The following SLIT3 variants were observed in gnomAD, a reference collection of about 807,000 sequenced individuals.
The protein encoded by SLIT3 is slit guidance ligand 3.
Under a neutral mutation model 184.0 loss-of-function variants are expected in SLIT3, and 68 were observed. The ratio of observed to expected loss-of-function variants is 0.37; its 90% confidence interval spans 0.30 to 0.45. The LOEUF is 0.45. Among genes scored for constraint, SLIT3 ranks in the 20% least tolerant of loss-of-function variants. The pLI is 1.00. For synonymous variants in SLIT3, 831 were observed against 828.6 expected (o/e 1.00, Z -0.05); for missense variants, 1,707 against 2,026.0 (o/e 0.84, Z 3.02).
intron 6 of SLIT3, among the ~76,000 whole-genome samples, chr5:168,833,168 G>T (rs915438245): frequency 6.6e-6 from 1 of 152,176 alleles, no homozygotes; most frequent in African/African-American, 2.4e-5. Flanking sequence ...CTCTTGTCTG[G>T]TTTTTGCATG....
chr5:168,972,907 C>A (rs1754628991), intron 4 of SLIT3, among the ~76,000 whole-genome samples: 1 of 152,196 alleles, frequency 6.6e-6, no homozygotes, highest in East Asian at 1.9e-4. Context: ...CCAGGCCGTG[C>A]CACAGATATC....
chr5:168,868,266 T>C (rs1759378804), intron 5 of SLIT3, among the ~76,000 whole-genome samples: 1 of 152,194 alleles, frequency 6.6e-6, no homozygotes, highest in Non-Finnish European at 1.5e-5. Flanking sequence ...CTCTACTGAA[T>C]AAGTCCTTTC....
intron 3 of SLIT3, among the ~76,000 whole-genome samples, chr5:169,225,304 G>T (rs2113539460): frequency 6.6e-6 from 1 of 152,334 alleles, no homozygotes; most frequent in East Asian, 1.9e-4. Context: ...GAAAAGAGCA[G>T]GCTGAAGAAT....
chr5:168,882,183 C>T (rs1759978545), intron 5 of SLIT3, among the ~76,000 whole-genome samples: 1 of 152,036 alleles, frequency 6.6e-6, no homozygotes, highest in Non-Finnish European at 1.5e-5. Context: ...TTTTTTTAAG[C>T]CTCCCTTAAG....
chr5:168,754,092 T>G, intron 16 of SLIT3, 85 bp from the exon 17 acceptor site: 1 of 1,427,436 alleles, frequency 7.0e-7, no homozygotes. Flanking sequence ...CTGCAGCTGC[T>G]GGGGACTCTC....
intron 3 of SLIT3, among the ~76,000 whole-genome samples, chr5:169,225,780 AGG>A (rs1561751066): frequency 4.0e-5 from 6 of 151,638 alleles, no homozygotes; most frequent in South Asian, 2.1e-4. Context: ...AGAGGGAGGC[AGG>A]GGCCAGGGGC....
chr5:169,238,293 AC>A (rs1413328193), intron 3 of SLIT3, among the ~76,000 whole-genome samples: 1 of 152,026 alleles, frequency 6.6e-6, no homozygotes, highest in Non-Finnish European at 1.5e-5. Flanking sequence ...TGAAATTCAG[AC>A]TTATGTTGTA....
At chr5:168,981,952 T>G (rs916984024) in intron 4 of SLIT3, among the ~76,000 whole-genome samples, 1 of 152,128 alleles carries the variant, frequency 6.6e-6, no homozygotes, top group Admixed American at 6.5e-5. Flanking sequence ...AACACTGAAG[T>G]TGAGAGTATC....
intron 5 of SLIT3, among the ~76,000 whole-genome samples, chr5:168,878,317 C>T (rs577159126): frequency 6.6e-6 from 1 of 152,344 alleles, no homozygotes; most frequent in East Asian, 1.9e-4. Context: ...TTAGGGACTT[C>T]CTTCTGCTGT....
intron 14 of SLIT3, among the ~76,000 whole-genome samples, chr5:168,771,554 C>T (rs779219822): frequency 1.4e-4 from 21 of 152,224 alleles, no homozygotes; most frequent in Non-Finnish European, 1.8e-4. Context: ...GCAAATCAGA[C>T]TAGAAGCCTC....
intron 14 of SLIT3, among the ~76,000 whole-genome samples, chr5:168,766,850 C>G (rs1438849694): frequency 1.3e-5 from 2 of 152,228 alleles, no homozygotes; most frequent in Non-Finnish European, 2.9e-5. Flanking sequence ...TGCTTTCTCT[C>G]TTACTCAAGT....
intron 1 of SLIT3, among the ~76,000 whole-genome samples, chr5:169,264,831 G>A (rs1330366366): frequency 6.6e-6 from 1 of 152,146 alleles, no homozygotes; most frequent in African/African-American, 2.4e-5. Context: ...ACGCATTTGG[G>A]AAAGAAATGA....
intron 4 of SLIT3, among the ~76,000 whole-genome samples, chr5:169,127,817 C>T (rs543239805): frequency 9.2e-5 from 14 of 152,274 alleles, no homozygotes; most frequent in Non-Finnish European, 1.3e-4. Flanking sequence ...GGAAATTTAG[C>T]ATCATTACTT....
intron 23 of SLIT3, among the ~76,000 whole-genome samples, chr5:168,721,416 C>T (rs1581003894): frequency 6.6e-6 from 1 of 152,196 alleles, no homozygotes. Flanking sequence ...ACTTCATATA[C>T]AGTATCTCAT....
chr5:169,236,887 G>A (rs761912868), intron 3 of SLIT3, among the ~76,000 whole-genome samples: 23 of 152,194 alleles, frequency 1.5e-4, no homozygotes, highest in Non-Finnish European at 2.5e-4. Context: ...AACATGAGTT[G>A]ATACTGATGT....
rs1463547071 is a variant in SLIT3, at chr5:168,665,695, G to T, written c.*759C>A. On this transcript the variant is annotated 3_prime_UTR_variant, in exon 36 of 36. Transcript: ENST00000519560. ...GGGCCAGCCAGGAAGGAGAAGAGGG[G>T]TCCCCCAGTGGGTTCAGATACGGAA... The T allele has an allele frequency of 1.3e-5, 2 of 149,440 alleles. No individual in the cohort carries two copies. The highest frequency in any genetic ancestry group is 1.5e-5 in the Non-Finnish European group (1 of 68,692). 9.3% of individuals were successfully genotyped at this position (149,440 alleles called of 1,614,324 possible). A position where few individuals can be genotyped will look rare whatever the true frequency, so the allele number is the denominator to read the frequency against.
intron 30 of SLIT3, among the ~76,000 whole-genome samples, chr5:168,686,317 C>T (rs1485291210): frequency 6.6e-6 from 1 of 152,116 alleles, no homozygotes; most frequent in Admixed American, 6.5e-5. Context: ...GGGGTGATTT[C>T]TTAAAAGAGC....
intron 4 of SLIT3, among the ~76,000 whole-genome samples, chr5:169,061,966 T>A (rs945378400): frequency 3.3e-5 from 5 of 152,062 alleles, no homozygotes; most frequent in African/African-American, 4.8e-5. Flanking sequence ...ACCCCAATCG[T>A]GAGGTCAGGA....
At chr5:169,071,041 T>C (rs1376519748) in intron 4 of SLIT3, among the ~76,000 whole-genome samples, 1 of 152,156 alleles carries the variant, frequency 6.6e-6, no homozygotes, top group Non-Finnish European at 1.5e-5. Context: ...GGGCAGGTAC[T>C]CAAACCTGCC....
Sources: allele counts gnomAD v4.1 joint callset (sites outside exome capture counted in the v4.1 genomes callset), GRCh38; gene constraint gnomAD v4.1.1; transcripts MANE v1.5; gene names NCBI Gene and HGNC (gene_info 2026-07-23, HGNC 2026-07-21).